The following DCC variants were observed in gnomAD, a reference collection of about 807,000 sequenced individuals.
The protein encoded by DCC is DCC netrin 1 receptor, also known as netrin receptor DCC.
Under a neutral mutation model 172.5 loss-of-function variants are expected in DCC, and 58 were observed. The ratio of observed to expected loss-of-function variants is 0.34; its 90% CI spans 0.27 to 0.42. DCC has a LOEUF of 0.42. Ranked by LOEUF, DCC falls within the 10% of genes least tolerant of loss-of-function variation. The pLI, the probability that DCC is intolerant of heterozygous loss-of-function variation, is 1.00. For missense variants in DCC, 1,740 were observed against 1,791.0 expected (o/e 0.97, Z 0.51); for synonymous variants, 709 against 644.5 (o/e 1.10, Z -1.52).
chr18:52,720,909 A>T (rs528567998), intron 1 of DCC, among the ~76,000 whole-genome samples: 2 of 152,300 alleles, frequency 1.3e-5, no homozygotes, highest in East Asian at 3.9e-4. Context: ...ACTCTGGCAA[A>T]TGAGTTCATC....
intron 1 of DCC, among the ~76,000 whole-genome samples, chr18:52,615,368 T>C (rs1010233521): frequency 2.0e-5 from 3 of 152,246 alleles, no homozygotes; most frequent in South Asian, 4.1e-4. Flanking sequence ...TTAATAATTC[T>C]GTTTTCAAGA....
intron 27 of DCC, among the ~76,000 whole-genome samples, chr18:53,518,505 G>GAAATGTTT (rs1364862530): frequency 6.6e-6 from 1 of 152,108 alleles, no homozygotes. Context: ...ATGAGTAAAT[G>GAAATGTTT]AAATGTTTAA....
At position 52,795,416 on chromosome 18, in the gene DCC, A is replaced by G. The variant is rs759468598; in HGVS notation, c.412+43042A>G. On this transcript the variant is annotated intron_variant, in intron 2 of 28. Transcript: ENST00000442544. ...CTAATTTGTTTGCATAGAGTTATTA[A>G]TAGTCTCTAATGATCCTTTCTATTT... is the stretch of plus-strand genomic sequence containing the variant. Among the ~76,000 whole-genome samples, 55 of 151,882 alleles carry G rather than the reference A, an allele frequency of 3.6e-4. 1 individual carries two copies. Among genetic ancestry groups the G allele is most frequent in the Non-Finnish European group, 7.7e-4 (52 of 67,882 alleles).
At chr18:52,636,647 C>A (rs1219484102) in intron 1 of DCC, among the ~76,000 whole-genome samples, 1 of 152,048 alleles carries the variant, frequency 6.6e-6, no homozygotes, top group African/African-American at 2.4e-5. Context: ...TATACAACTC[C>A]CATCTCCCAC....
intron 2 of DCC, among the ~76,000 whole-genome samples, chr18:52,782,974 T>G (rs73955988): frequency 0.031 from 4,649 of 152,130 alleles, 274 homozygotes; most frequent in African/African-American, 0.11. Context: ...CCTAAATGTC[T>G]TTGGACAGAT....
intron 7 of DCC, among the ~76,000 whole-genome samples, chr18:53,114,285 T>C (rs2144265092): frequency 6.7e-6 from 1 of 148,300 alleles, no homozygotes; most frequent in South Asian, 2.1e-4. Context: ...TAAAAAGTAA[T>C]GTCAGGTGCA....
intron 1 of DCC, among the ~76,000 whole-genome samples, chr18:52,652,332 T>C (rs1424942885): frequency 6.6e-6 from 1 of 152,144 alleles, no homozygotes; most frequent in Non-Finnish European, 1.5e-5. Flanking sequence ...AAGATATACC[T>C]CTCGTCTCCC....
intron 1 of DCC, among the ~76,000 whole-genome samples, chr18:52,378,318 A>C (rs1174111835): frequency 6.6e-6 from 1 of 152,094 alleles, no homozygotes; most frequent in African/African-American, 2.4e-5. Context: ...AAGAAAAAAA[A>C]AAAACTAGAA....
intron 15 of DCC, among the ~76,000 whole-genome samples, chr18:53,373,422 A>T (rs372631777): frequency 3.3e-4 from 51 of 152,292 alleles, no homozygotes; most frequent in African/African-American, 1.2e-3. Context: ...TGAGCAACTA[A>T]AATGCTACTT....
At chr18:52,967,636 C>T (rs957236599) in intron 5 of DCC, among the ~76,000 whole-genome samples, 14 of 152,136 alleles carry the variant, frequency 9.2e-5, no homozygotes, top group Non-Finnish European at 1.9e-4. Flanking sequence ...TCTATACTTT[C>T]TTCTAGATTT....
intron 1 of DCC, among the ~76,000 whole-genome samples, chr18:52,416,970 A>G (rs1049924890): frequency 3.9e-5 from 6 of 152,176 alleles, no homozygotes; most frequent in Admixed American, 6.5e-5. Context: ...CCTAGCCTCG[A>G]TGGTCTTTAC....
At chr18:52,405,687 G>A (rs998122502) in intron 1 of DCC, among the ~76,000 whole-genome samples, 1 of 151,676 alleles carries the variant, frequency 6.6e-6, no homozygotes, top group African/African-American at 2.4e-5. Flanking sequence ...CAAACAAATG[G>A]AAGAACATTC....
intron 2 of DCC, among the ~76,000 whole-genome samples, chr18:52,871,571 C>T (rs2039318704): frequency 6.6e-6 from 1 of 152,116 alleles, no homozygotes; most frequent in South Asian, 2.1e-4. Context: ...TCAAGCCATC[C>T]TCCTACCTTC....
intron 2 of DCC, among the ~76,000 whole-genome samples, chr18:52,784,025 AC>A (rs533768685): frequency 2.7e-4 from 41 of 151,956 alleles, no homozygotes; most frequent in Non-Finnish European, 4.9e-4. Flanking sequence ...ACTACCACAC[AC>A]TAGAATTTAT....
chr18:52,377,473 TAGTA>T (rs950807304), intron 1 of DCC, among the ~76,000 whole-genome samples: 1 of 152,190 alleles, frequency 6.6e-6, no homozygotes, highest in African/African-American at 2.4e-5. Context: ...TTTTCATTGT[TAGTA>T]AGCCCCTGAA....
intron 1 of DCC, among the ~76,000 whole-genome samples, chr18:52,417,223 A>G (rs1029682545): frequency 6.2e-4 from 95 of 152,230 alleles, no homozygotes; most frequent in Middle Eastern, 3.4e-3. Context: ...TGGCTTGTAG[A>G]GTTTCTGCCG....
chr18:52,753,107 T>C (rs1483421633), intron 2 of DCC, among the ~76,000 whole-genome samples: 1 of 152,176 alleles, frequency 6.6e-6, no homozygotes, highest in Non-Finnish European at 1.5e-5. Context: ...ATCTCTTATA[T>C]ACCCTCATTT....
At chr18:53,299,078 T>A (rs1015413161) in intron 12 of DCC, among the ~76,000 whole-genome samples, 3 of 152,206 alleles carry the variant, frequency 2.0e-5, no homozygotes, top group African/African-American at 4.8e-5. Flanking sequence ...TAATTCTGGT[T>A]TTCTTTCCTA....
intron 21 of DCC, among the ~76,000 whole-genome samples, chr18:53,420,304 A>G (rs1037645739): frequency 6.6e-6 from 1 of 152,154 alleles, no homozygotes; most frequent in African/African-American, 2.4e-5. Context: ...TCCTTTTCAC[A>G]TCTCTGAATA....
Sources: allele counts gnomAD v4.1 joint callset (sites outside exome capture counted in the v4.1 genomes callset), GRCh38; gene constraint gnomAD v4.1.1; transcripts MANE v1.5; gene names NCBI Gene and HGNC (gene_info 2026-07-23, HGNC 2026-07-21).